The following TNPO3 variants were observed in gnomAD, a reference collection of about 807,000 sequenced individuals.
TNPO3 encodes the protein transportin-3.
A neutral mutation model predicts 122.8 loss-of-function variants in TNPO3; 65 were observed. That is an observed-to-expected ratio of 0.53 (90% CI 0.43 to 0.65). TNPO3 has a LOEUF of 0.65. Ranked by LOEUF, TNPO3 falls within the 30% of genes least tolerant of loss-of-function variation. TNPO3 has a pLI of 0.00. For synonymous variants in TNPO3, 372 were observed against 411.2 expected, an observed-to-expected ratio of 0.90 and a Z score of 1.15; for missense variants, 850 against 1,136.7, an observed-to-expected ratio of 0.75 and a Z score of 3.63.
chr7:128,996,534 G>C (rs1300988461), intron 8 of TNPO3, among the ~76,000 whole-genome samples: 2 of 151,856 alleles, frequency 1.3e-5, no homozygotes, highest in African/African-American at 4.8e-5. Context: ...ATGAGGTCAG[G>C]AGATCGAGAC....
At chr7:128,984,827 T>TA (rs994065176) in intron 12 of TNPO3, among the ~76,000 whole-genome samples, 14 of 152,084 alleles carry the variant, frequency 9.2e-5, no homozygotes, top group African/African-American at 3.1e-4. Context: ...TCTTTCATTT[T>TA]AAAAAAAAGT....
At chr7:129,038,856 G>A (rs999734905) in intron 1 of TNPO3, among the ~76,000 whole-genome samples, 3 of 152,058 alleles carry the variant, frequency 2.0e-5, no homozygotes, top group Admixed American at 1.3e-4. Context: ...GGAGAGGATC[G>A]GAAAAAATAA....
chr7:129,042,503 C>T (rs912655610), intron 1 of TNPO3, among the ~76,000 whole-genome samples: 1 of 152,034 alleles, frequency 6.6e-6, no homozygotes. Flanking sequence ...TTTCATGAGA[C>T]GGGTAAAGAA....
At position 129,001,116 on chromosome 7, in the gene TNPO3, C is replaced by T; in HGVS notation, c.815G>A (p.Gly272Glu). ...NLPLAMQLFQ[G>E]VLTLETAYHM... The stretch of plus-strand genomic sequence containing the variant: ...ATAGGCAGTCTCCAATGTCAGCACT[C>T]CCTGAAAAAGTTGCATGGCTAATGG... Residue 272 changes from glycine to glutamate, a missense_variant, in exon 6 of 23, where the codon GGA becomes GAA. Coordinates refer to ENST00000265388, the MANE Select transcript of TNPO3 (RefSeq NM_012470.4). 6.2e-7 allele frequency: 1 copy of T among 1,614,138 alleles called. No homozygotes were observed. Among genetic ancestry groups the T allele is most frequent in the East Asian group, 2.2e-5 (1 of 44,878 alleles).
At chr7:128,994,821 C>A (rs1801134893) in intron 8 of TNPO3, among the ~76,000 whole-genome samples, 1 of 152,034 alleles carries the variant, frequency 6.6e-6, no homozygotes, top group African/African-American at 2.4e-5. Context: ...CCACGCTTGG[C>A]TAATTTTTAT....
chr7:128,973,602 G>GGCGGGTGCCTGTAGTCCCAGCTACTC (rs1798711233), intron 18 of TNPO3, among the ~76,000 whole-genome samples: 1 of 151,258 alleles, frequency 6.6e-6, no homozygotes, highest in Non-Finnish European at 1.5e-5. Context: ...TGGGTGTGGT[G>GGCGGGTGCCTGTAGTCCCAGCTACTC]GCGGGTGCCT....
chr7:128,992,027 T>G lies in TNPO3; in HGVS notation c.1330A>C (p.Met444Leu). 1.2e-6 allele frequency: 2 copies of G among 1,611,100 alleles called. No individual in the cohort carries two copies. The highest frequency in any genetic ancestry group is 1.7e-6 in the Non-Finnish European group (2 of 1,178,602). ...TCAACACTCTTTGCTATAGCAGCCA[T>G]GATAAAGAGAACCGCTTCTGTCACC... is the stretch of plus-strand genomic sequence containing the variant. ...WEVTEAVLFIMAAIAKSVDPE... is the reference protein window; with the variant it reads ...WEVTEAVLFILAAIAKSVDPE... The change falls in exon 10 of 23, where the codon ATG (methionine) becomes CTG (leucine). Residue 444 changes from methionine (M) to leucine (L), a missense_variant. Transcript: ENST00000265388.
At position 128,996,870 on chromosome 7, in the gene TNPO3, A is replaced by G. The variant is rs115321390; in HGVS notation, c.1158+519T>C. 9.0e-3 allele frequency among the ~76,000 whole-genome samples: 1,366 copies of G among 152,110 alleles called. 30 individuals carry two copies. Among genetic ancestry groups the G allele is most frequent in the African/African-American group, 0.029 (1,208 of 41,498 alleles). On this transcript the variant is annotated intron_variant, in intron 8 of 22. Transcript: ENST00000265388. ...GCTAAATCATAACTCTTCTTATATAATTCATATAACTCTTGTTATACTGCT... is the reference window on the plus strand; with the variant it reads ...GCTAAATCATAACTCTTCTTATATAGTTCATATAACTCTTGTTATACTGCT...
intron 5 of TNPO3, among the ~76,000 whole-genome samples, chr7:129,002,996 C>T (rs546764248): frequency 4.2e-5 from 6 of 143,032 alleles, no homozygotes; most frequent in East Asian, 4.2e-4. Context: ...GCCAAGATGG[C>T]GCCACTGCAC....
intron 1 of TNPO3, among the ~76,000 whole-genome samples, chr7:129,053,446 G>A (rs1809046012): frequency 6.9e-6 from 1 of 144,218 alleles, no homozygotes; most frequent in Non-Finnish European, 1.5e-5. Context: ...AGTGAGCTGA[G>A]ATGGGACCAC....
intron 1 of TNPO3, among the ~76,000 whole-genome samples, chr7:129,018,552 A>C (rs1210904463): frequency 2.6e-5 from 4 of 152,204 alleles, no homozygotes; most frequent in Non-Finnish European, 5.9e-5. Context: ...CTTAAAATAA[A>C]GCTTTGTTCA....
At chr7:128,977,489 G>A (rs1210647830) in intron 16 of TNPO3, among the ~76,000 whole-genome samples, 1 of 152,196 alleles carries the variant, frequency 6.6e-6, no homozygotes. Context: ...CTATAATTTA[G>A]AGAGGCAAGG....
chr7:128,956,542 C>T (rs1490728279), intron 22 of TNPO3, among the ~76,000 whole-genome samples: 2 of 152,198 alleles, frequency 1.3e-5, no homozygotes, highest in Non-Finnish European at 2.9e-5. Context: ...TTTTTGAACG[C>T]TGATATGACC....
chr7:128,978,036 C>A (rs1356805878), intron 16 of TNPO3, among the ~76,000 whole-genome samples: 1 of 151,672 alleles, frequency 6.6e-6, no homozygotes, highest in Non-Finnish European at 1.5e-5. Flanking sequence ...TTCCTCACAG[C>A]ATGGGTACAA....
chr7:128,972,716 T>G (rs954297199), intron 18 of TNPO3, 134 bp from the exon 19 acceptor site: 2 of 722,280 alleles, frequency 2.8e-6, no homozygotes, highest in East Asian at 2.7e-5. Context: ...AAGGGATGAA[T>G]AGACAGAACA....
intron 4 of TNPO3, among the ~76,000 whole-genome samples, chr7:129,007,834 A>G (rs1802739145): frequency 6.6e-6 from 1 of 152,216 alleles, no homozygotes. Flanking sequence ...GCACAGAGTA[A>G]ATATCCAAGT....
Position 129,055,009 on chromosome 7 carries a change from G to A in TNPO3, c.-239C>T, listed in dbSNP as rs1809322406. 5 of 510,252 alleles carry A rather than the reference G, an allele frequency of 9.8e-6. No individual in the cohort carries two copies. The highest frequency in any genetic ancestry group is 1.4e-5 in the Non-Finnish European group (4 of 283,030). 31.6% of individuals were successfully genotyped at this position (510,252 alleles called of 1,614,324 possible). A position where few individuals can be genotyped will look rare whatever the true frequency, so the allele number is the denominator to read the frequency against. Reference sequence around the variant, plus strand: ...TTTCCGGTTTTTCCACTTGATTCTAGACTCTTGAGTCCACAGATTCTGGCG... The same window carrying A: ...TTTCCGGTTTTTCCACTTGATTCTAAACTCTTGAGTCCACAGATTCTGGCG... On this transcript the variant is annotated 5_prime_UTR_variant, in exon 1 of 23. Coordinates refer to ENST00000265388, the MANE Select transcript of TNPO3 (RefSeq NM_012470.4).
In TNPO3 at chr7:128,990,112, C is replaced by A; in HGVS notation, c.1359-12G>T. ...TTGGATTGTTTTCCCTGAGTACAGGCGGTAAGTACTCACAGTTACTGATTT... is the reference window on the plus strand; with the variant it reads ...TTGGATTGTTTTCCCTGAGTACAGGAGGTAAGTACTCACAGTTACTGATTT... On this transcript the variant is annotated splice_polypyrimidine_tract_variant and intron_variant, in intron 10 of 22. Transcript: ENST00000265388. 6.2e-7 allele frequency: 1 copy of A among 1,614,126 alleles called. No homozygotes were observed.
chr7:129,018,435 G>A (rs1169173339), intron 1 of TNPO3, among the ~76,000 whole-genome samples: 1 of 152,110 alleles, frequency 6.6e-6, no homozygotes, highest in Non-Finnish European at 1.5e-5. Flanking sequence ...GACTGTGTGG[G>A]TGTCAAGAGT....
Sources: allele counts gnomAD v4.1 joint callset (sites outside exome capture counted in the v4.1 genomes callset), GRCh38; gene constraint gnomAD v4.1.1; transcripts MANE v1.5; gene names NCBI Gene and HGNC (gene_info 2026-07-23, HGNC 2026-07-21).